LIMS1: variants seen among roughly 807,000 people sequenced by gnomAD.
The protein encoded by LIMS1 is LIM and senescent cell antigen-like-containing domain protein 1.
Under a neutral mutation model 44.1 loss-of-function variants are expected in LIMS1, and 18 were observed. That is an observed-to-expected ratio of 0.41 (90% CI 0.28 to 0.61). LIMS1 has a LOEUF of 0.61. Among genes scored for constraint, LIMS1 ranks in the 20% least tolerant of loss-of-function variants. LIMS1 has a pLI of 0.32. For missense variants in LIMS1, 201 were observed against 422.0 expected, an observed-to-expected ratio of 0.48 and a Z score of 4.59; for synonymous variants, 93 against 149.1, an observed-to-expected ratio of 0.62 and a Z score of 2.74.
At chr2:108,662,604 G>A (rs1341493332) in intron 2 of LIMS1, 2 of 1,024,626 alleles carry the variant, frequency 2.0e-6, no homozygotes, top group African/African-American at 3.3e-5. Flanking sequence ...TGGAGAATAA[G>A]ACATTTCTTT....
In LIMS1 at chr2:108,654,710, T is replaced by C. The variant is rs1690728828; in HGVS notation, c.33-4895T>C. On this transcript the variant is annotated intron_variant, in intron 1 of 9. Transcript: ENST00000544547. ...TGTTGATGAAGTCTTGTGGCAAATA[T>C]GCAAGGCACGTGTGGATATTTCTTT... The C allele has an allele frequency of 1.3e-4, 26 of 206,506 alleles. No individual in the cohort carries two copies. The South Asian group carries it at 1.7e-3, about 14-fold the overall frequency. 12.8% of individuals were successfully genotyped at this position (206,506 alleles called of 1,614,324 possible).
intron 1 of LIMS1, among the ~76,000 whole-genome samples, chr2:108,597,133 T>A (rs1300345959): frequency 6.6e-6 from 1 of 151,892 alleles, no homozygotes; most frequent in Non-Finnish European, 1.5e-5. Flanking sequence ...GATCTCGAAC[T>A]CCTGACCTCA....
chr2:108,544,876 A>G lies in LIMS1; in HGVS notation c.32+10282A>G, dbSNP rs115573306. On this transcript the variant is annotated intron_variant, in intron 1 of 9. Coordinates refer to ENST00000544547, the Ensembl canonical transcript of LIMS1. ...ACTCTTCTCTCCCCTGTGTCATATC[A>G]TAGAGATTTTAATATGTATCCTTAA... 2.9e-3 allele frequency among the ~76,000 whole-genome samples: 439 copies of G among 152,310 alleles called. 1 individual carries two copies. The highest frequency in any genetic ancestry group is 0.014 in the South Asian group (68 of 4,832).
chr2:108,664,730 T>TCTAC (rs1236975971), intron 2 of LIMS1, among the ~76,000 whole-genome samples: 1 of 151,994 alleles, frequency 6.6e-6, no homozygotes, highest in African/African-American at 2.4e-5. Flanking sequence ...CTACACACTG[T>TCTAC]AGAAAAGAGG....
intron 1 of LIMS1, chr2:108,621,335 A>G (rs751688061): frequency 1.5e-5 from 24 of 1,549,824 alleles, no homozygotes; most frequent in Middle Eastern, 1.7e-4. Flanking sequence ...AGTGTCAGCA[A>G]TTGATGTGTG....
intron 2 of LIMS1, among the ~76,000 whole-genome samples, chr2:108,667,208 T>G (rs1290683894): frequency 6.6e-6 from 1 of 152,124 alleles, no homozygotes; most frequent in Non-Finnish European, 1.5e-5. Flanking sequence ...AGACATCACT[T>G]TTAAGATTCC....
chr2:108,546,330 G>A (rs542337742), intron 1 of LIMS1, among the ~76,000 whole-genome samples: 1 of 143,306 alleles, frequency 7.0e-6, no homozygotes, highest in South Asian at 2.3e-4. Context: ...AGGCTGGAGT[G>A]TGTGCAGTGG....
exon 6 of LIMS1, chr2:108,675,891 G>T: frequency 6.2e-7 from 1 of 1,613,992 alleles, no homozygotes; most frequent in Non-Finnish European, 8.5e-7. Flanking sequence ...GGAGCTGACT[G>T]CCGATGCACG....
At chr2:108,608,446 T>C (rs1169533072) in intron 1 of LIMS1, among the ~76,000 whole-genome samples, 3 of 151,850 alleles carry the variant, frequency 2.0e-5, no homozygotes, top group Admixed American at 6.6e-5. Flanking sequence ...GCTGGGACTA[T>C]AGGCGCCCGC....
intron 1 of LIMS1, among the ~76,000 whole-genome samples, chr2:108,637,787 G>A (rs1016610870): frequency 7.5e-6 from 1 of 132,894 alleles, no homozygotes; most frequent in Non-Finnish European, 1.7e-5. Flanking sequence ...AAAGGAACTA[G>A]TACAGAGACA....
intron 1 of LIMS1, among the ~76,000 whole-genome samples, chr2:108,575,538 G>A (rs1335350177): frequency 2.6e-5 from 4 of 152,052 alleles, no homozygotes; most frequent in Non-Finnish European, 4.4e-5. Flanking sequence ...TTAATGTGGA[G>A]GCCCTTTTGC....
chr2:108,662,731 A>T (rs1448313034), intron 2 of LIMS1: 1 of 934,060 alleles, frequency 1.1e-6, no homozygotes, highest in Non-Finnish European at 1.3e-6. Flanking sequence ...AAACTTACCC[A>T]GTTTGCCTTC....
At chr2:108,630,839 C>A (rs1348676395) in intron 1 of LIMS1, among the ~76,000 whole-genome samples, 1 of 152,104 alleles carries the variant, frequency 6.6e-6, no homozygotes, top group Non-Finnish European at 1.5e-5. Flanking sequence ...GGATTCTTTA[C>A]CTTAATCTAG....
At chr2:108,675,826 GT>G in intron 5 of LIMS1, 51 bp from the exon 6 acceptor site, 1 of 1,609,888 alleles carries the variant, frequency 6.2e-7, no homozygotes, top group African/African-American at 1.3e-5. Flanking sequence ...AGCCCCATTG[GT>G]TGGCCACTTT....
chr2:108,542,537 A>G (rs1296638539), intron 1 of LIMS1, among the ~76,000 whole-genome samples: 3 of 152,186 alleles, frequency 2.0e-5, no homozygotes, highest in Admixed American at 6.5e-5. Flanking sequence ...ACTTCATGGC[A>G]CTGGTCAAGA....
intron 1 of LIMS1, among the ~76,000 whole-genome samples, chr2:108,608,192 T>C (rs754269425): frequency 9.9e-5 from 15 of 152,198 alleles, no homozygotes; most frequent in Non-Finnish European, 1.5e-4. Flanking sequence ...TGCATATCTT[T>C]ATACTTTCAT....
At chr2:108,660,904 T>C (rs1691317559) in intron 2 of LIMS1, among the ~76,000 whole-genome samples, 1 of 148,400 alleles carries the variant, frequency 6.7e-6, no homozygotes, top group Non-Finnish European at 1.5e-5. Flanking sequence ...TATATGATAA[T>C]ATATGTATAT....
intron 9 of LIMS1, among the ~76,000 whole-genome samples, chr2:108,682,925 C>G (rs1255758034): frequency 1.3e-5 from 2 of 152,178 alleles, no homozygotes; most frequent in Non-Finnish European, 2.9e-5. Flanking sequence ...ATTAAACACT[C>G]TGGATTTCAA....
chr2:108,668,970 G>A (rs1691977473), intron 2 of LIMS1, among the ~76,000 whole-genome samples: 1 of 152,142 alleles, frequency 6.6e-6, no homozygotes, highest in South Asian at 2.1e-4. Flanking sequence ...AAGGTAGTGT[G>A]TGCCTGTAAT....
Sources: gnomAD v4.1 joint callset for allele counts (sites outside exome capture counted in the v4.1 genomes callset) on GRCh38, gnomAD v4.1.1 for gene constraint, MANE v1.5 for transcripts, NCBI Gene and HGNC (gene_info 2026-07-23, HGNC 2026-07-21) for gene names.